GDAP1: variants seen among roughly 807,000 people sequenced by gnomAD.
GDAP1 encodes ganglioside-induced differentiation-associated protein 1.
Under a neutral mutation model 40.1 loss-of-function variants are expected in GDAP1, and 34 were observed. The ratio of observed to expected loss-of-function variants is 0.85; its 90% CI spans 0.64 to 1.13. The LOEUF is 1.13. Ranked by LOEUF, GDAP1 falls within the 50% of genes most tolerant of loss-of-function variation. GDAP1 has a pLI of 0.00. For missense variants in GDAP1, 374 were observed against 433.7 expected (o/e 0.86, Z 1.22); for synonymous variants, 170 against 157.4 (o/e 1.08, Z -0.60).
chr8:74,463,678 ACTGT>A (rs1402727644), intron 2 of GDAP1, among the ~76,000 whole-genome samples: 5 of 152,208 alleles, frequency 3.3e-5, no homozygotes, highest in Non-Finnish European at 5.9e-5. Context: ...TTGGAGAGAA[ACTGT>A]CTAATTTAAT....
chr8:74,400,040 G>C (rs558199301), intron 2 of GDAP1, among the ~76,000 whole-genome samples: 2 of 146,728 alleles, frequency 1.4e-5, no homozygotes, highest in East Asian at 3.9e-4. Flanking sequence ...ATTTGGGGTG[G>C]AGAGTTCTGT....
intron 2 of GDAP1, among the ~76,000 whole-genome samples, chr8:74,422,478 C>A (rs938887204): frequency 1.0e-5 from 1 of 95,576 alleles, no homozygotes; most frequent in Non-Finnish European, 2.0e-5. Flanking sequence ...TCCTTCCTCC[C>A]TCCCTCCCTC....
At chr8:74,482,621 T>G (rs1259401550) in intron 2 of GDAP1, among the ~76,000 whole-genome samples, 1 of 152,192 alleles carries the variant, frequency 6.6e-6, no homozygotes, top group Non-Finnish European at 1.5e-5. Context: ...TGCTTGTTTC[T>G]TTCCTCCTTT....
intron 2 of GDAP1, among the ~76,000 whole-genome samples, chr8:74,434,877 A>G (rs191958566): frequency 6.6e-5 from 10 of 152,326 alleles, no homozygotes; most frequent in Admixed American, 3.9e-4. Context: ...TTAAACATAG[A>G]TATTCCAAAT....
intron 2 of GDAP1, among the ~76,000 whole-genome samples, chr8:74,429,794 C>T (rs1320314734): frequency 2.6e-5 from 4 of 151,744 alleles, no homozygotes; most frequent in African/African-American, 9.7e-5. Context: ...CAGCCCATAG[C>T]ATGTGGTAAT....
chr8:74,389,367 C>T (rs1456484436), intron 2 of GDAP1, among the ~76,000 whole-genome samples: 1 of 152,076 alleles, frequency 6.6e-6, no homozygotes, highest in East Asian at 1.9e-4. Flanking sequence ...GTAAGGCAGG[C>T]CTAGTGGTGT....
rs1195522160 is a variant in GDAP1 at position 74,350,446 on chromosome 8, G to A, written c.-16G>A. ...GGGCGGACAGGCTGGGCGCACCCGT[G>A]CTCGCGCACCCCAAGATGGCTGAGA... On this transcript the variant is annotated 5_prime_UTR_variant, in exon 1 of 6. Coordinates refer to ENST00000220822, the MANE Select transcript of GDAP1 (RefSeq NM_018972.4). 2 of 1,529,954 alleles carry A rather than the reference G, an allele frequency of 1.3e-6. No homozygotes were observed. Among genetic ancestry groups the A allele is most frequent in the Non-Finnish European group, 1.8e-6 (2 of 1,105,696 alleles). 94.8% of individuals were successfully genotyped at this position (1,529,954 alleles called of 1,614,324 possible). A position where few individuals can be genotyped will look rare whatever the true frequency, so the allele number is the denominator to read the frequency against.
chr8:74,383,013 A>T (rs1809976849), intron 2 of GDAP1, among the ~76,000 whole-genome samples: 1 of 152,210 alleles, frequency 6.6e-6, no homozygotes, highest in Non-Finnish European at 1.5e-5. Context: ...TTGCTTACAA[A>T]TCCATCAGCT....
In GDAP1 at chr8:74,451,502, A is replaced by C. The variant is rs1806296384; in HGVS notation, c.166-37176A>C. Among the ~76,000 whole-genome samples the C allele has an allele frequency of 2.4e-5, 2 of 82,060 alleles. 1 individual carries two copies. The highest frequency in any genetic ancestry group is 2.4e-4 in the Admixed American group (2 of 8,186). The allele number at this position is 82,060 out of a possible 152,430, so 53.8% of individuals were successfully genotyped here. On this transcript the variant is annotated intron_variant, in intron 2 of 2. Transcript: ENST00000523640. ...AGGAGTTAAGAGAAGAACAAAGGTT[A>C]TTTTATTTAAGTACATTTTTACCAT...
rs138137016 is a variant in GDAP1 at position 74,361,646 on chromosome 8, C to T, written c.485-238C>T. On this transcript the variant is annotated intron_variant, in intron 3 of 5. Coordinates refer to ENST00000220822, the MANE Select transcript of GDAP1 (RefSeq NM_018972.4). ...TCTTGACCTCCTGATCCTCCCGCCT[C>T]GGCCTCCCAAAGTGCTGGGATTACA... Among the ~76,000 whole-genome samples, 67 of 152,280 alleles carry T rather than the reference C, an allele frequency of 4.4e-4. No homozygotes were observed. The East Asian group carries it at 4.8e-3, about 11-fold the overall frequency.
intron 2 of GDAP1, among the ~76,000 whole-genome samples, chr8:74,392,605 TC>T (rs1810127105): frequency 6.6e-6 from 1 of 152,196 alleles, no homozygotes. Flanking sequence ...ACATTCATGT[TC>T]CCCATTTGAT....
Position 74,360,150 on chromosome 8 carries a change from G to A in GDAP1, c.324G>A (p.Arg108=), listed in dbSNP as rs1415894189. 2.5e-6 allele frequency: 4 copies of A among 1,612,740 alleles called. No individual in the cohort carries two copies. The highest frequency in any genetic ancestry group is 3.4e-6 in the Non-Finnish European group (4 of 1,178,928). ...TGTGTATTTTAGAAAGAACACCCAGGTTAATGCCTGATAAAGAAAGCATGT... is the reference window on the plus strand; with the variant it reads ...TGTGTATTTTAGAAAGAACACCCAGATTAATGCCTGATAAAGAAAGCATGT... The part of the protein sequence containing the change: ...EQTFLDERTP[R]LMPDKESMYY... Residue 108 remains arginine (R), a synonymous_variant, in exon 3 of 6, where the codon AGG becomes AGA. Coordinates refer to ENST00000220822, the MANE Select transcript of GDAP1 (RefSeq NM_018972.4).
chr8:74,455,213 A>G (rs1312010896), intron 2 of GDAP1, among the ~76,000 whole-genome samples: 1 of 152,022 alleles, frequency 6.6e-6, no homozygotes, highest in Non-Finnish European at 1.5e-5. Flanking sequence ...TTGCAAAATG[A>G]AAGTTGATAA....
chr8:74,384,060 T>C (rs1057249465), intron 2 of GDAP1, among the ~76,000 whole-genome samples: 2 of 152,208 alleles, frequency 1.3e-5, no homozygotes, highest in African/African-American at 4.8e-5. Flanking sequence ...GAACTTCTTA[T>C]TTGGAATACA....
intron 2 of GDAP1, among the ~76,000 whole-genome samples, chr8:74,457,955 C>G (rs1434360803): frequency 6.6e-6 from 1 of 152,056 alleles, no homozygotes; most frequent in East Asian, 1.9e-4. Flanking sequence ...AAGTAGTGTA[C>G]TACTTATATG....
At chr8:74,461,619 TA>T (rs1806401234) in intron 2 of GDAP1, among the ~76,000 whole-genome samples, 2 of 152,228 alleles carry the variant, frequency 1.3e-5, no homozygotes, top group South Asian at 4.1e-4. Flanking sequence ...TCATCCAGAC[TA>T]AATGTTAGGT....
chr8:74,405,574 C>T (rs1805627970), intron 2 of GDAP1, among the ~76,000 whole-genome samples: 1 of 150,090 alleles, frequency 6.7e-6, no homozygotes, highest in African/African-American at 2.5e-5. Flanking sequence ...GACCCTCTTT[C>T]ATGCTTTGCT....
chr8:74,415,034 T>C (rs937552224), intron 2 of GDAP1, among the ~76,000 whole-genome samples: 11 of 150,236 alleles, frequency 7.3e-5, no homozygotes, highest in African/African-American at 2.8e-4. Context: ...CACTTCTAGA[T>C]TGCTCAATGA....
intron 2 of GDAP1, among the ~76,000 whole-genome samples, chr8:74,476,749 G>A (rs1357406368): frequency 6.6e-6 from 1 of 152,102 alleles, no homozygotes; most frequent in African/African-American, 2.4e-5. Context: ...AGAGTCTGAT[G>A]ATTATATGTC....
Sources: gnomAD v4.1 joint callset for allele counts (sites outside exome capture counted in the v4.1 genomes callset) on GRCh38, gnomAD v4.1.1 for gene constraint, MANE v1.5 for transcripts, NCBI Gene and HGNC (gene_info 2026-07-23, HGNC 2026-07-21) for gene names.